Variants in SCAP observed in about 807,000 individuals in gnomAD.
The protein encoded by SCAP is sterol regulatory element-binding protein cleavage-activating protein.
Under a neutral mutation model 123.6 loss-of-function variants are expected in SCAP, and 65 were observed. The observed-to-expected ratio is 0.53, with a 90% confidence interval of 0.43 to 0.65. SCAP has a LOEUF of 0.65. SCAP is among the 30% of genes least tolerant of loss of function. The pLI is 0.00. For synonymous variants in SCAP, 740 were observed against 726.3 expected (o/e 1.02, Z -0.30); for missense variants, 1,398 against 1,712.5 (o/e 0.82, Z 3.24).
At position 47,420,011 on chromosome 3, in the gene SCAP, G is replaced by A. The variant is rs577365320; in HGVS notation, c.1564-307C>T. On this transcript the variant is annotated intron_variant, in intron 12 of 22. Coordinates refer to ENST00000265565, the MANE Select transcript of SCAP (RefSeq NM_012235.4). The surrounding 1 kb of genome is among the most constrained non-coding windows in gnomAD (Gnocchi z 5.0). ...ACCCCTAAGCTCCACCTCAGCTGGA[G>A]CCAGAAAGCTGCTACCATTCCTACG... is the stretch of plus-strand genomic sequence containing the variant. Among the ~76,000 whole-genome samples the A allele has an allele frequency of 1.3e-5, 2 of 152,274 alleles. No individual in the cohort carries two copies. The highest frequency in any genetic ancestry group is 4.8e-5 in the African/African-American group (2 of 41,548).
chr3:47,437,924 T>C (rs546821551), intron 2 of SCAP, among the ~76,000 whole-genome samples: 2 of 152,340 alleles, frequency 1.3e-5, no homozygotes, highest in African/African-American at 4.8e-5. Flanking sequence ...TAGTAGATGA[T>C]ACCAAACAGT....
Position 47,436,969 on chromosome 3 carries a change from T to C in SCAP, c.123-1832A>G, listed in dbSNP as rs75061392. Among the ~76,000 whole-genome samples the C allele has an allele frequency of 8.1e-3, 1,241 of 152,346 alleles. 16 individuals carry two copies. Among genetic ancestry groups the C allele is most frequent in the African/African-American group, 0.029 (1,208 of 41,572 alleles). Reference sequence around the variant, plus strand: ...AATGAAACCATTCATTCTACTTATATACTCTTTTGTGACTGGCTGCTTTCA... The same window carrying C: ...AATGAAACCATTCATTCTACTTATACACTCTTTTGTGACTGGCTGCTTTCA... On this transcript the variant is annotated intron_variant, in intron 2 of 22. Transcript: ENST00000265565.
At chr3:47,453,124 T>C (rs766912672) in intron 1 of SCAP, among the ~76,000 whole-genome samples, 2 of 152,104 alleles carry the variant, frequency 1.3e-5, no homozygotes, top group Non-Finnish European at 2.9e-5. Context: ...GGACTAGTGA[T>C]AGATATCCAA....
intron 3 of SCAP, among the ~76,000 whole-genome samples, chr3:47,433,308 T>A (rs1336328401): frequency 6.6e-6 from 1 of 152,198 alleles, no homozygotes; most frequent in East Asian, 1.9e-4. Flanking sequence ...ACCAGGTGAC[T>A]GCCCTGGGCC....
Position 47,418,460 on chromosome 3 carries a change from C to A in SCAP, c.2192G>T (p.Arg731Leu), listed in dbSNP as rs1202604067. The change falls in exon 15 of 23, where the codon CGC becomes CTC. Residue 731 changes from arginine (R) to leucine (L), a missense_variant. By Grantham distance (102) the Arg-to-Leu change is moderately radical. Around this residue, in one of 7 missense-constraint regions of SCAP, gnomAD observed 828 missense variants for 882.5 expected, o/e 0.94. Coordinates refer to ENST00000265565, the MANE Select transcript of SCAP (RefSeq NM_012235.4). ...VLVLLLLCLY[R>L]VLCPRNYGQL... Reference sequence around the variant, plus strand: ...CCCGTAGTTGCGCGGGCATAGCACGCGGTAGAGGCAGAGCAGCAGCAGCAC... The same window carrying A: ...CCCGTAGTTGCGCGGGCATAGCACGAGGTAGAGGCAGAGCAGCAGCAGCAC... The A allele has an allele frequency of 1.3e-6, 2 of 1,598,066 alleles. No individual in the cohort carries two copies. Among genetic ancestry groups the A allele is most frequent in the South Asian group, 1.1e-5 (1 of 89,236 alleles).
chr3:47,468,911 G>A (rs1023787377), intron 1 of SCAP, among the ~76,000 whole-genome samples: 2 of 152,178 alleles, frequency 1.3e-5, no homozygotes, highest in African/African-American at 4.8e-5. Context: ...GTGTAAGGAA[G>A]GGATCCAGTT....
chr3:47,439,480 A>G lies in SCAP; in HGVS notation c.122+3392T>C, dbSNP rs1439431252. On this transcript the variant is annotated intron_variant, in intron 2 of 22. Coordinates refer to ENST00000265565, the MANE Select transcript of SCAP (RefSeq NM_012235.4). The surrounding 1 kb of genome is among the most constrained non-coding windows in gnomAD (Gnocchi z 4.0). ...AAATCCACCTCTCACCATGAGCAGC[A>G]GCTTGTTGAATCAAATGTCTCAATG... Among the ~76,000 whole-genome samples, 2 of 152,238 alleles carry G rather than the reference A, an allele frequency of 1.3e-5. No individual in the cohort carries two copies. The highest frequency in any genetic ancestry group is 2.9e-5 in the Non-Finnish European group (2 of 68,038).
At position 47,418,686 on chromosome 3, in the gene SCAP, C is replaced by G; in HGVS notation, c.2098G>C (p.Val700Leu). 1 of 1,610,480 alleles carries G rather than the reference C, an allele frequency of 6.2e-7. No individual in the cohort carries two copies. The highest frequency in any genetic ancestry group is 8.5e-7 in the Non-Finnish European group (1 of 1,179,024). Residue 700 changes from valine to leucine, a missense_variant, in exon 14 of 23, where the codon GTG becomes CTG. Physicochemically the swap from Val to Leu is conservative, Grantham distance 32. Transcript: ENST00000265565. Reference sequence around the variant, plus strand: ...AGCGTGACGTCTCCATGGGCCTGCACCCCACCTGGGCCCTTGGGTCCTGCT... The same window carrying G: ...AGCGTGACGTCTCCATGGGCCTGCAGCCCACCTGGGCCCTTGGGTCCTGCT... ...WEAGPKGPGG[V>L]QAHGDVTLYK...
chr3:47,459,928 C>T (rs1183210490), intron 1 of SCAP, among the ~76,000 whole-genome samples: 2 of 152,170 alleles, frequency 1.3e-5, no homozygotes, highest in South Asian at 2.1e-4. Flanking sequence ...AAGACAGACA[C>T]TCCCAGAGCG....
intron 6 of SCAP, 27 bp downstream of exon 6, chr3:47,427,130 A>C: frequency 1.3e-6 from 2 of 1,542,614 alleles, no homozygotes; most frequent in Non-Finnish European, 1.8e-6. Context: ...CAGACCAGTC[A>C]AGAGCCCAGG....
intron 1 of SCAP, among the ~76,000 whole-genome samples, chr3:47,447,595 G>A (rs568506498): frequency 5.3e-5 from 8 of 152,184 alleles, no homozygotes; most frequent in Non-Finnish European, 8.8e-5. Context: ...GGCGGAGACA[G>A]GAGAATTGCT....
chr3:47,474,214 G>C (rs1466896164), intron 1 of SCAP, among the ~76,000 whole-genome samples: 2 of 150,984 alleles, frequency 1.3e-5, no homozygotes, highest in East Asian at 3.9e-4. Context: ...GCAGTGAGCC[G>C]AGATGGCGCC....
chr3:47,462,493 G>A (rs1053778881), intron 1 of SCAP, among the ~76,000 whole-genome samples: 2 of 152,116 alleles, frequency 1.3e-5, no homozygotes, highest in African/African-American at 4.8e-5. Context: ...AACACCATCA[G>A]AGGCAGCCAC....
intron 1 of SCAP, among the ~76,000 whole-genome samples, chr3:47,455,530 G>A (rs1233227217): frequency 6.7e-6 from 1 of 150,228 alleles, no homozygotes; most frequent in African/African-American, 2.5e-5. Flanking sequence ...GGGAGGTGGA[G>A]GTTGCAGTGA....
At chr3:47,422,404 T>G (rs368775385) in intron 10 of SCAP, 38 bp downstream of exon 10, 1 of 1,579,208 alleles carries the variant, frequency 6.3e-7, no homozygotes, top group African/African-American at 1.3e-5. Flanking sequence ...CAGCAGTTGC[T>G]TCCATGCTCA....
intron 1 of SCAP, among the ~76,000 whole-genome samples, chr3:47,464,471 G>C (rs1707755763): frequency 6.6e-6 from 1 of 151,878 alleles, no homozygotes; most frequent in Non-Finnish European, 1.5e-5. Flanking sequence ...AATCAATTAA[G>C]GTAATATGCC....
intron 1 of SCAP, among the ~76,000 whole-genome samples, chr3:47,452,276 C>A (rs922023130): frequency 1.3e-5 from 2 of 152,164 alleles, no homozygotes; most frequent in Admixed American, 6.6e-5. Context: ...ATAATCCCGG[C>A]TACTCAGGAG....
At chr3:47,443,294 T>TCC (rs1706888791) in intron 1 of SCAP, 1 of 206,062 alleles carries the variant, frequency 4.9e-6, no homozygotes. Flanking sequence ...TCTCTCTCTC[T>TCC]CTCTCTCTCT....
chr3:47,419,682 C>G lies in SCAP; in HGVS notation c.1586G>C (p.Gly529Ala). 1 of 1,523,118 alleles carries G rather than the reference C, an allele frequency of 6.6e-7. No homozygotes were observed. The highest frequency in any genetic ancestry group is 1.3e-5 in the South Asian group (1 of 76,274). 94.4% of individuals were successfully genotyped at this position (1,523,118 alleles called of 1,614,324 possible). The change falls in exon 13 of 23, where the codon GGC (glycine) becomes GCC (alanine). Residue 529 changes from glycine (G) to alanine (A), a missense_variant. This residue lies in a region of SCAP where 828 missense variants were observed against 882.5 expected (regional missense o/e 0.94). Coordinates refer to ENST00000265565, the MANE Select transcript of SCAP (RefSeq NM_012235.4). The surrounding 1 kb of genome is among the most constrained non-coding windows in gnomAD (Gnocchi z 5.0). ...LIMAGTVVWIGILVYTDPAGL... is the reference protein window; with the variant it reads ...LIMAGTVVWIAILVYTDPAGL... ...TGCTGGGTCTGTGTATACCAGGATG[C>G]CAATCCAGACAACGGTGCCAGCCTG...
Sources: allele counts gnomAD v4.1 joint callset (sites outside exome capture counted in the v4.1 genomes callset), GRCh38; gene constraint gnomAD v4.1.1; regional missense constraint gnomAD v4.1.1; non-coding constraint Gnocchi (gnomAD v3.1); transcripts MANE v1.5; gene names NCBI Gene and HGNC (gene_info 2026-07-23, HGNC 2026-07-21).